Variants in TMEM132B observed in about 807,000 individuals in gnomAD.
TMEM132B encodes the protein transmembrane protein 132B.
In TMEM132B, 18 loss-of-function variants were observed where a neutral mutation model predicts 90.8. The observed-to-expected ratio is 0.20, with a 90% CI of 0.14 to 0.29. The LOEUF (loss-of-function observed/expected upper bound fraction) is 0.29, where lower values mean the gene tolerates loss of function less well. Ranked by LOEUF, TMEM132B falls within the 10% of genes least tolerant of loss-of-function variation. The probability of loss-of-function intolerance (pLI) is 1.00; values close to 1 mark genes in which losing one functional copy is unlikely to be tolerated. For missense variants in TMEM132B, 1,096 were observed against 1,326.8 expected (o/e 0.83, Z 2.70); for synonymous variants, 504 against 523.3 (o/e 0.96, Z 0.50).
At chr12:125,260,995 A>G (rs1392619013) in intron 1 of TMEM132B, among the ~76,000 whole-genome samples, 1 of 151,906 alleles carries the variant, frequency 6.6e-6, no homozygotes, top group Non-Finnish European at 1.5e-5. Flanking sequence ...CAAACAACCA[A>G]ATAATGTGTG....
At chr12:125,646,472 A>G (rs1352414176) in intron 6 of TMEM132B, among the ~76,000 whole-genome samples, 3 of 152,204 alleles carry the variant, frequency 2.0e-5, no homozygotes, top group East Asian at 1.9e-4. Context: ...TGAAACTTGA[A>G]GGGCCGCTGG....
chr12:125,451,224 C>G (rs1275387967), intron 3 of TMEM132B, among the ~76,000 whole-genome samples: 1 of 152,092 alleles, frequency 6.6e-6, no homozygotes, highest in Non-Finnish European at 1.5e-5. Flanking sequence ...GTTAAATTTA[C>G]TGAAATTGAT....
chr12:125,582,271 AATTATT>A (rs3042320), intron 4 of TMEM132B, among the ~76,000 whole-genome samples: 13,283 of 145,748 alleles, frequency 0.091, 651 homozygotes, highest in Middle Eastern at 0.15. Flanking sequence ...AAGTTTTAGC[AATTATT>A]ATTATTATTA....
intron 2 of TMEM132B, among the ~76,000 whole-genome samples, chr12:125,373,759 A>G (rs565414534): frequency 6.6e-6 from 1 of 152,030 alleles, no homozygotes; most frequent in South Asian, 2.1e-4. Flanking sequence ...GTTCTGTTTC[A>G]TTATCAGTTT....
intron 3 of TMEM132B, among the ~76,000 whole-genome samples, chr12:125,426,719 C>T (rs911664693): frequency 4.6e-5 from 7 of 152,344 alleles, no homozygotes; most frequent in Non-Finnish European, 2.9e-5. Context: ...AAACAGCTTT[C>T]GTCACGACCT....
chr12:125,330,605 G>A (rs1229820533), intron 1 of TMEM132B, among the ~76,000 whole-genome samples: 1 of 152,088 alleles, frequency 6.6e-6, no homozygotes, highest in Non-Finnish European at 1.5e-5. Flanking sequence ...TTTTTAAAAA[G>A]TATATCCAAT....
At chr12:125,321,207 CCTAA>C (rs777032794) in intron 1 of TMEM132B, among the ~76,000 whole-genome samples, 3 of 152,184 alleles carry the variant, frequency 2.0e-5, no homozygotes, top group East Asian at 1.9e-4. Context: ...AACCGGAGGT[CCTAA>C]CTGTTATGTG....
intron 5 of TMEM132B, among the ~76,000 whole-genome samples, chr12:125,588,971 T>C (rs1885242120): frequency 6.6e-6 from 1 of 152,230 alleles, no homozygotes; most frequent in Non-Finnish European, 1.5e-5. Flanking sequence ...ATTCACATAG[T>C]GCTTGACCTG....
rs539917663 is a variant in TMEM132B at position 125,327,028 on chromosome 12, C to G, written c.68-22424C>G. The stretch of plus-strand genomic sequence containing the variant: ...TCCCTGGATGCCCCCTGAGCCTTCT[C>G]TGCAGGCTTGCCCCCTGCTAGACCT... On this transcript the variant is annotated intron_variant, in intron 1 of 8. Transcript: ENST00000682704. 5.5e-4 allele frequency among the ~76,000 whole-genome samples: 84 copies of G among 152,248 alleles called. 1 individual carries two copies. Among genetic ancestry groups the G allele is most frequent in the African/African-American group, 2.0e-3 (82 of 41,542 alleles).
At chr12:125,395,085 G>A (rs1325062022) in intron 2 of TMEM132B, among the ~76,000 whole-genome samples, 5 of 152,210 alleles carry the variant, frequency 3.3e-5, no homozygotes, top group African/African-American at 1.2e-4. Flanking sequence ...GAAAATGGAT[G>A]TATGTATATG....
chr12:125,299,300 C>T (rs1394174214), intron 1 of TMEM132B, among the ~76,000 whole-genome samples: 2 of 152,184 alleles, frequency 1.3e-5, no homozygotes, highest in African/African-American at 4.8e-5. Context: ...CCTGGATCTG[C>T]TCTTCCCTGG....
chr12:125,397,391 T>A (rs1461653126), intron 2 of TMEM132B, among the ~76,000 whole-genome samples: 3 of 152,224 alleles, frequency 2.0e-5, no homozygotes, highest in South Asian at 4.1e-4. Context: ...CAGACATATT[T>A]GAATCCCAAA....
At chr12:125,430,363 AG>A (rs1343452759) in intron 3 of TMEM132B, among the ~76,000 whole-genome samples, 1 of 152,176 alleles carries the variant, frequency 6.6e-6, no homozygotes, top group African/African-American at 2.4e-5. Flanking sequence ...TGAAATGTGC[AG>A]GGAGCTAAAA....
At chr12:125,432,142 T>C (rs994919212) in intron 3 of TMEM132B, among the ~76,000 whole-genome samples, 1 of 151,766 alleles carries the variant, frequency 6.6e-6, no homozygotes, top group Non-Finnish European at 1.5e-5. Flanking sequence ...GGAATTACTC[T>C]TGCGAATCCT....
intron 1 of TMEM132B, among the ~76,000 whole-genome samples, chr12:125,208,119 C>T (rs759663189): frequency 2.0e-5 from 3 of 152,208 alleles, no homozygotes; most frequent in Non-Finnish European, 2.9e-5. Flanking sequence ...CTGAGGTACA[C>T]AGATCACACA....
chr12:125,309,367 T>A (rs146695326), intron 1 of TMEM132B, among the ~76,000 whole-genome samples: 1 of 152,296 alleles, frequency 6.6e-6, no homozygotes, highest in African/African-American at 2.4e-5. Context: ...CTTTTATTAG[T>A]TTGGTTATTG....
chr12:125,341,881 A>G (rs1734827151), intron 1 of TMEM132B, among the ~76,000 whole-genome samples: 1 of 152,280 alleles, frequency 6.6e-6, no homozygotes, highest in Middle Eastern at 3.4e-3. Flanking sequence ...TTGTGGGGAG[A>G]TAAATTAGGG....
chr12:125,651,316 G>T (rs185085740), intron 7 of TMEM132B, among the ~76,000 whole-genome samples: 113 of 152,294 alleles, frequency 7.4e-4, no homozygotes, highest in African/African-American at 2.6e-3. Context: ...GAAAGCTAGT[G>T]TTTTTCCTCC....
At chr12:125,583,078 A>G (rs748180790) in intron 4 of TMEM132B, among the ~76,000 whole-genome samples, 1 of 152,250 alleles carries the variant, frequency 6.6e-6, no homozygotes, top group Non-Finnish European at 1.5e-5. Flanking sequence ...ATTTTGTTGT[A>G]AAGAGAATGA....
Sources: allele counts gnomAD v4.1 joint callset (sites outside exome capture counted in the v4.1 genomes callset), GRCh38; gene constraint gnomAD v4.1.1; transcripts MANE v1.5; gene names NCBI Gene and HGNC (gene_info 2026-07-23, HGNC 2026-07-21).